The following LRP1B variants were observed in gnomAD, a reference collection of about 807,000 sequenced individuals.
LRP1B encodes LDL receptor related protein 1B.
LRP1B carries 217 observed loss-of-function variants against 556.6 expected under a neutral mutation model. The ratio of observed to expected loss-of-function variants is 0.39; its 90% CI spans 0.35 to 0.44. LRP1B has a LOEUF of 0.44. Among genes scored for constraint, LRP1B ranks in the 20% least tolerant of loss-of-function variants. The pLI is 1.00. For synonymous variants in LRP1B, 2,047 were observed against 1,865.8 expected (o/e 1.10, Z -2.50); for missense variants, 5,053 against 5,620.8 (o/e 0.90, Z 3.23).
chr2:140,943,512 C>G (rs1319344496), intron 20 of LRP1B, among the ~76,000 whole-genome samples: 1 of 152,028 alleles, frequency 6.6e-6, no homozygotes, highest in Non-Finnish European at 1.5e-5. Flanking sequence ...AGATCAACCA[C>G]AAGCTCAGTC....
chr2:141,454,015 C>G (rs1681533717), intron 3 of LRP1B, among the ~76,000 whole-genome samples: 1 of 152,138 alleles, frequency 6.6e-6, no homozygotes, highest in Admixed American at 6.6e-5. Context: ...ATGTTAGAGT[C>G]ATGTACTATA....
chr2:141,113,657 T>A (rs1240840732), intron 7 of LRP1B, among the ~76,000 whole-genome samples: 1 of 152,190 alleles, frequency 6.6e-6, no homozygotes, highest in Non-Finnish European at 1.5e-5. Context: ...GATGCTAAAA[T>A]GTATGGAAAG....
chr2:141,723,750 AT>A (rs1319477350), intron 2 of LRP1B, among the ~76,000 whole-genome samples: 2 of 151,932 alleles, frequency 1.3e-5, no homozygotes, highest in Admixed American at 1.3e-4. Flanking sequence ...ATAAAACTGC[AT>A]TTTTAAAAAT....
rs1700039311 is a variant in LRP1B, at chr2:141,916,561, T to G, written c.83-106160A>C. On this transcript the variant is annotated intron_variant, in intron 1 of 90. Coordinates refer to ENST00000389484, the MANE Select transcript of LRP1B (RefSeq NM_018557.3). ...TTGAACTTTTTTTTTTTTTTTTTTT[T>G]TAAGTGGAGATGGGGTTTCACTGTG... Among the ~76,000 whole-genome samples, 3 of 92,096 alleles carry G rather than the reference T, an allele frequency of 3.3e-5. No individual in the cohort carries two copies. The South Asian group carries it at 1.1e-3, about 33-fold the overall frequency. The allele number at this position is 92,096 out of a possible 152,430, so 60.4% of individuals were successfully genotyped here.
intron 75 of LRP1B, among the ~76,000 whole-genome samples, chr2:140,355,770 A>G (rs1363038017): frequency 1.3e-5 from 2 of 151,984 alleles, no homozygotes; most frequent in African/African-American, 4.8e-5. Context: ...TAGTTAGAAC[A>G]CTGATGTAAT....
chr2:140,668,463 T>C (rs185361649), intron 41 of LRP1B, among the ~76,000 whole-genome samples: 1 of 152,090 alleles, frequency 6.6e-6, no homozygotes, highest in African/African-American at 2.4e-5. Flanking sequence ...AATGGAGATT[T>C]ACTGTAGGCA....
intron 1 of LRP1B, among the ~76,000 whole-genome samples, chr2:142,083,740 G>A (rs1395699012): frequency 1.3e-5 from 2 of 152,058 alleles, no homozygotes; most frequent in Non-Finnish European, 2.9e-5. Context: ...CATTTCATTA[G>A]GAAGTTTTGC....
intron 3 of LRP1B, among the ~76,000 whole-genome samples, chr2:141,470,792 A>T (rs1682433090): frequency 6.6e-6 from 1 of 152,224 alleles, no homozygotes; most frequent in African/African-American, 2.4e-5. Context: ...ACAGTTTGTT[A>T]TAATTCATAC....
chr2:141,711,933 A>G (rs571809967), intron 2 of LRP1B, among the ~76,000 whole-genome samples: 2 of 145,672 alleles, frequency 1.4e-5, no homozygotes, highest in Non-Finnish European at 3.0e-5. Context: ...TCTCTCTGTC[A>G]TAAATATGAA....
chr2:141,109,919 G>A (rs957439948), intron 7 of LRP1B, among the ~76,000 whole-genome samples: 1 of 152,160 alleles, frequency 6.6e-6, no homozygotes, highest in Non-Finnish European at 1.5e-5. Flanking sequence ...ATGAGTAAAG[G>A]TGCCCTGTGT....
chr2:140,599,504 C>T (rs1324356945), intron 42 of LRP1B, among the ~76,000 whole-genome samples: 6 of 152,046 alleles, frequency 3.9e-5, no homozygotes, highest in Admixed American at 3.9e-4. Context: ...TTTAGCATTA[C>T]AGCCAACAAA....
intron 3 of LRP1B, among the ~76,000 whole-genome samples, chr2:141,341,649 TA>T (rs1475232145): frequency 3.3e-5 from 5 of 152,208 alleles, no homozygotes; most frequent in African/African-American, 1.2e-4. Flanking sequence ...TGTACTTAAG[TA>T]GGGACCATAT....
In LRP1B at chr2:140,233,269, G is replaced by C. The variant is rs760776195; in HGVS notation, c.13717C>G (p.Arg4573Gly). Residue 4573 changes from arginine (R) to glycine (G), a missense_variant, in exon 91 of 91, where the codon CGA becomes GGA. By Grantham distance (125) the Arg-to-Gly change is moderately radical (BLOSUM62 -2). Coordinates refer to ENST00000389484, the MANE Select transcript of LRP1B (RefSeq NM_018557.3). ...AKLYMDGQNC[R>G]NSLGSVDERK... ...TCATCAACACTTCCTAAGGAGTTTC[G>C]ACAGTTTTGCCCATCCATATATAAT... is the stretch of plus-strand genomic sequence containing the variant. The C allele has an allele frequency of 6.2e-7, 1 of 1,604,764 alleles. No individual in the cohort carries two copies.
chr2:141,659,779 C>CT (rs1362559808), intron 2 of LRP1B, among the ~76,000 whole-genome samples: 1 of 152,084 alleles, frequency 6.6e-6, no homozygotes, highest in Non-Finnish European at 1.5e-5. Flanking sequence ...GTTTCTTTTG[C>CT]TTATTACAGT....
intron 86 of LRP1B, among the ~76,000 whole-genome samples, chr2:140,259,948 AAGG>A (rs769745577): frequency 9.9e-4 from 150 of 152,100 alleles, no homozygotes; most frequent in Non-Finnish European, 1.1e-3. Context: ...TGATGAAGGA[AAGG>A]AGATGATTTT....
intron 87 of LRP1B, among the ~76,000 whole-genome samples, chr2:140,240,824 A>G (rs1327655033): frequency 6.6e-6 from 1 of 150,962 alleles, no homozygotes; most frequent in Non-Finnish European, 1.5e-5. Flanking sequence ...TGCATGTGAA[A>G]GTATCAAGGT....
chr2:140,311,872 G>GGGC (rs1558791869), intron 83 of LRP1B, among the ~76,000 whole-genome samples: 49 of 151,744 alleles, frequency 3.2e-4, no homozygotes, highest in African/African-American at 1.1e-3. Flanking sequence ...GGTGACTGTG[G>GGGC]ATTTTATGCC....
Position 140,487,644 on chromosome 2 carries a change from T to C in LRP1B, c.9216A>G (p.Arg3072=). Residue 3072 remains arginine, a synonymous_variant, in exon 58 of 91, where the codon AGA becomes AGG. Coordinates refer to ENST00000389484, the MANE Select transcript of LRP1B (RefSeq NM_018557.3). ...TAATGTCACTTCCATTTAAACACAT[T>C]CTATTTATGCGACTGCCATTGGGTC... ...SSRPNGSRIN[R]MCLNGSDIKV... is the part of the protein sequence containing the mutation. The C allele has an allele frequency of 6.2e-7, 1 of 1,608,746 alleles. No homozygotes were observed. The highest frequency in any genetic ancestry group is 1.1e-5 in the South Asian group (1 of 90,620).
At chr2:140,426,529 A>G (rs992817571) in intron 66 of LRP1B, among the ~76,000 whole-genome samples, 40 of 152,056 alleles carry the variant, frequency 2.6e-4, no homozygotes, top group Non-Finnish European at 4.0e-4. Context: ...GCCTTAACTG[A>G]TGACATTATC....
Sources: gnomAD v4.1 joint callset for allele counts (sites outside exome capture counted in the v4.1 genomes callset) on GRCh38, gnomAD v4.1.1 for gene constraint, MANE v1.5 for transcripts, NCBI Gene and HGNC (gene_info 2026-07-23, HGNC 2026-07-21) for gene names.